Variants in PCDHGA1 observed in about 807,000 individuals in gnomAD.
The protein encoded by PCDHGA1 is protocadherin gamma subfamily A, 1, also known as protocadherin gamma-A1.
Under a neutral mutation model 58.0 loss-of-function variants are expected in PCDHGA1, and 32 were observed. The ratio of observed to expected loss-of-function variants is 0.55; its 90% confidence interval spans 0.42 to 0.74. The LOEUF (loss-of-function observed/expected upper bound fraction) is 0.74, where lower values mean the gene tolerates loss of function less well. Ranked by LOEUF, PCDHGA1 falls within the 30% of genes least tolerant of loss-of-function variation. The probability of loss-of-function intolerance (pLI) is 0.00; values close to 1 mark genes in which losing one functional copy is unlikely to be tolerated. For missense variants in PCDHGA1, 1,205 were observed against 1,182.3 expected, an observed-to-expected ratio of 1.02 and a Z score of -0.28; for synonymous variants, 498 against 501.1, an observed-to-expected ratio of 0.99 and a Z score of 0.08.
Position 141,332,610 on chromosome 5 carries a change from CGTG to C in PCDHGA1, c.1931_1933del (p.Val644del). 6.2e-7 allele frequency: 1 copy of C among 1,612,896 alleles called. No homozygotes were observed. Among genetic ancestry groups the C allele is most frequent in the South Asian group, 1.1e-5 (1 of 91,010 alleles). ...ACAGAGACGCGCTCAAGCAGAGTCT[CGTG>C]GTGGCCGTCCAGGACCACGGCCAGC... On this transcript the variant is annotated inframe_deletion, in exon 1 of 4. Coordinates refer to ENST00000517417, the MANE Select transcript of PCDHGA1 (RefSeq NM_018912.3). The surrounding 1 kb of genome is among the most constrained non-coding windows in gnomAD (Gnocchi z 4.6).
chr5:141,361,071 A>G (rs1453413106), intron 1 of PCDHGA1: 1 of 1,613,984 alleles, frequency 6.2e-7, no homozygotes, highest in South Asian at 1.1e-5. Context: ...TTGAGATTGC[A>G]AGTAGTTACA....
intron 1 of PCDHGA1, chr5:141,346,158 A>G: frequency 3.7e-6 from 6 of 1,613,952 alleles, no homozygotes; most frequent in Non-Finnish European, 5.1e-6. Context: ...GGCCTTCGTC[A>G]TCGTGCTGCT....
chr5:141,355,826 A>G, intron 1 of PCDHGA1: 1 of 1,612,512 alleles, frequency 6.2e-7, no homozygotes, highest in Admixed American at 1.7e-5. Context: ...GCGGTTCACC[A>G]CCTCGTTCTC....
At position 141,332,321 on chromosome 5, in the gene PCDHGA1, T is replaced by A. The variant is rs779504752; in HGVS notation, c.1637T>A (p.Val546Glu). 13 of 1,614,202 alleles carry A rather than the reference T, an allele frequency of 8.1e-6. No homozygotes were observed. The Admixed American group carries it at 1.0e-4, about 12-fold the overall frequency. ...DSGDPPLSSN[V>E]SLSLFLLDQN... ...GGGGATCCGCCCCTCAGCAGCAACG[T>A]GTCTCTCAGCCTATTCCTGCTGGAC... is the stretch of plus-strand genomic sequence containing the variant. Residue 546 changes from valine to glutamate, a missense_variant, in exon 1 of 4, where the codon GTG becomes GAG. Val to Glu is a moderately radical substitution (Grantham distance 121). Transcript: ENST00000517417. The surrounding 1 kb of genome is among the most constrained non-coding windows in gnomAD (Gnocchi z 4.6).
intron 1 of PCDHGA1, chr5:141,409,618 G>C: frequency 6.2e-7 from 1 of 1,613,894 alleles, no homozygotes; most frequent in Non-Finnish European, 8.5e-7. Context: ...CCTCCATTGC[G>C]CAAGTGAGCG....
chr5:141,364,993 A>C, intron 1 of PCDHGA1: 1 of 1,613,740 alleles, frequency 6.2e-7, no homozygotes, highest in Non-Finnish European at 8.5e-7. Context: ...GAGACCCGGT[A>C]CTCTCCGGCA....
chr5:141,366,162 C>A (rs1037452604), intron 1 of PCDHGA1: 1 of 1,614,110 alleles, frequency 6.2e-7, no homozygotes, highest in South Asian at 1.1e-5. Context: ...CTGCTTAAGG[C>A]CAGCGAGCCA....
rs371176166 is a variant in PCDHGA1 at position 141,350,480 on chromosome 5, G to A, written c.2421+17375G>A. On this transcript the variant is annotated intron_variant, in intron 1 of 3. Transcript: ENST00000517417. Reference sequence around the variant, plus strand: ...GGTTAGTGCAGAGGATTATTTCAACGTTAGTTTGGAGAGCGGGGATTTGTT... The same window carrying A: ...GGTTAGTGCAGAGGATTATTTCAACATTAGTTTGGAGAGCGGGGATTTGTT... 6.2e-7 allele frequency: 1 copy of A among 1,613,898 alleles called. No homozygotes were observed. The highest frequency in any genetic ancestry group is 8.5e-7 in the Non-Finnish European group (1 of 1,179,900).
At chr5:141,339,814 A>G in intron 1 of PCDHGA1, 3 of 1,614,218 alleles carry the variant, frequency 1.9e-6, no homozygotes, top group Middle Eastern at 1.6e-4. Context: ...TATATTTTCT[A>G]GAGAAAAGCC....
At chr5:141,478,665 A>G (rs749063178) in intron 1 of PCDHGA1, 88 of 1,551,690 alleles carry the variant, frequency 5.7e-5, no homozygotes, top group Non-Finnish European at 3.7e-5. Flanking sequence ...ATGCATTCAC[A>G]CTTTCAACTG....
At position 141,486,882 on chromosome 5, in the gene PCDHGA1, C is replaced by T; in HGVS notation, c.2422-7925C>T. The T allele has an allele frequency of 6.2e-7, 1 of 1,614,244 alleles. No individual in the cohort carries two copies. The highest frequency in any genetic ancestry group is 1.1e-5 in the South Asian group (1 of 91,086). On this transcript the variant is annotated intron_variant, in intron 1 of 3. Transcript: ENST00000517417. This position sits in a 1 kb window ranked among gnomAD's most constrained non-coding sequence, Gnocchi z 5.0. ...GCTCCAGCTGTGCTCCGTCCTCGGG[C>T]CCGGCCTGGTTCCTTATGTCCCCAA...
At chr5:141,373,416 G>A (rs1162363989) in intron 1 of PCDHGA1, among the ~76,000 whole-genome samples, 3 of 152,182 alleles carry the variant, frequency 2.0e-5, no homozygotes, top group Non-Finnish European at 4.4e-5. Context: ...CCAGCTACTC[G>A]GGAGGCTGAG....
At chr5:141,501,550 A>G (rs1251701030) in intron 2 of PCDHGA1, among the ~76,000 whole-genome samples, 3 of 152,078 alleles carry the variant, frequency 2.0e-5, no homozygotes, top group Non-Finnish European at 4.4e-5. Flanking sequence ...ATAAGATCAT[A>G]GGCCCTGGAA....
intron 1 of PCDHGA1, among the ~76,000 whole-genome samples, chr5:141,373,152 A>C (rs1769359529): frequency 6.6e-6 from 1 of 152,250 alleles, no homozygotes; most frequent in Non-Finnish European, 1.5e-5. Context: ...TGGTTTACTT[A>C]GTTTTAATGC....
At chr5:141,478,723 A>C in intron 1 of PCDHGA1, 16 of 1,543,220 alleles carry the variant, frequency 1.0e-5, no homozygotes, top group Non-Finnish European at 1.3e-5. Flanking sequence ...GTGGCCTGCC[A>C]GAGTGTGGTT....
At chr5:141,346,204 T>A (rs1168240525) in intron 1 of PCDHGA1, 1 of 1,614,016 alleles carries the variant, frequency 6.2e-7, no homozygotes, top group Admixed American at 1.7e-5. Context: ...AAGTCACGCC[T>A]GCTGCAGGCT....
At chr5:141,414,015 A>C in intron 1 of PCDHGA1, 1 of 1,613,160 alleles carries the variant, frequency 6.2e-7, no homozygotes, top group South Asian at 1.1e-5. Context: ...CCAATGGAGA[A>C]GTGACATATT....
chr5:141,511,489 A>G lies in PCDHGA1; in HGVS notation c.*316A>G. 2.3e-6 allele frequency: 1 copy of G among 435,688 alleles called. No individual in the cohort carries two copies. Among genetic ancestry groups the G allele is most frequent in the Non-Finnish European group, 4.2e-6 (1 of 239,908 alleles). The allele number at this position is 435,688 out of a possible 1,614,324, so 27.0% of individuals were successfully genotyped here. ...CGTTTAGTTACAGCTGAACTCCTCC[A>G]TCTTCCAAATCAATCAGGCCCATCC... On this transcript the variant is annotated 3_prime_UTR_variant, in exon 4 of 4. Coordinates refer to ENST00000517417, the MANE Select transcript of PCDHGA1 (RefSeq NM_018912.3).
At chr5:141,360,697 G>T in intron 1 of PCDHGA1, 5 of 1,613,976 alleles carry the variant, frequency 3.1e-6, no homozygotes, top group Non-Finnish European at 4.2e-6. Context: ...GACTCCAGAT[G>T]GTCGTAAATA....
Sources: gnomAD v4.1 joint callset for allele counts (sites outside exome capture counted in the v4.1 genomes callset) on GRCh38, gnomAD v4.1.1 for gene constraint, Gnocchi (gnomAD v3.1) non-coding constraint, MANE v1.5 for transcripts, NCBI Gene and HGNC (gene_info 2026-07-23, HGNC 2026-07-21) for gene names.